Variants in TMEM266 observed in about 807,000 individuals in gnomAD.
TMEM266 encodes the protein Hv1 related protein 1.
A neutral mutation model predicts 50.5 loss-of-function variants in TMEM266; 33 were observed. The observed-to-expected ratio is 0.65, with a 90% CI of 0.50 to 0.87. The LOEUF (loss-of-function observed/expected upper bound fraction) is 0.87. Among genes scored for constraint, TMEM266 ranks in the 40% least tolerant of loss-of-function variants. The pLI is 0.00. For missense variants in TMEM266, 655 were observed against 695.1 expected, an observed-to-expected ratio of 0.94 and a Z score of 0.65; for synonymous variants, 310 against 292.3, an observed-to-expected ratio of 1.06 and a Z score of -0.62.
intron 9 of TMEM266, among the ~76,000 whole-genome samples, chr15:76,192,814 C>T (rs1353174150): frequency 6.6e-6 from 1 of 152,222 alleles, no homozygotes; most frequent in Non-Finnish European, 1.5e-5. Context: ...GTTTTGCCAG[C>T]TGTCAAGTAG....
intron 1 of TMEM266, among the ~76,000 whole-genome samples, chr15:76,133,479 A>G (rs779132734): frequency 6.6e-6 from 1 of 152,180 alleles, no homozygotes; most frequent in Non-Finnish European, 1.5e-5. Context: ...ATGAAATCCA[A>G]CACTTATATA....
At chr15:76,171,612 C>T (rs1227376270) in intron 7 of TMEM266, among the ~76,000 whole-genome samples, 1 of 152,222 alleles carries the variant, frequency 6.6e-6, no homozygotes, top group African/African-American at 2.4e-5. Flanking sequence ...ATCTGGCTGC[C>T]CACAAGCCCA....
At chr15:76,116,759 T>C (rs990181382) in intron 1 of TMEM266, among the ~76,000 whole-genome samples, 1 of 152,202 alleles carries the variant, frequency 6.6e-6, no homozygotes, top group African/African-American at 2.4e-5. Context: ...GTCAAACATA[T>C]GTCATCCTGT....
intron 1 of TMEM266, among the ~76,000 whole-genome samples, chr15:76,122,243 T>C (rs1308795904): frequency 6.6e-6 from 1 of 152,250 alleles, no homozygotes; most frequent in Non-Finnish European, 1.5e-5. Flanking sequence ...GGCCCAATCA[T>C]GTGAGAGCTT....
chr15:76,062,738 C>T (rs2036328108), intron 1 of TMEM266, among the ~76,000 whole-genome samples: 1 of 152,106 alleles, frequency 6.6e-6, no homozygotes, highest in South Asian at 2.1e-4. Context: ...AAGGCTTTAT[C>T]GTGCAAAGGC....
chr15:76,109,399 A>T (rs530029775), intron 1 of TMEM266, among the ~76,000 whole-genome samples: 1 of 152,356 alleles, frequency 6.6e-6, no homozygotes, highest in South Asian at 2.1e-4. Flanking sequence ...GGATTTATTG[A>T]ATAAATGCAT....
chr15:76,191,897 C>T (rs2038577884), intron 8 of TMEM266, 71 bp from the exon 9 acceptor site: 2 of 1,410,734 alleles, frequency 1.4e-6, no homozygotes, highest in South Asian at 2.9e-5. Flanking sequence ...GAGCAAAGCG[C>T]CCAGAGGTCA....
chr15:76,080,556 C>T (rs1377927547), intron 1 of TMEM266, among the ~76,000 whole-genome samples: 2 of 151,066 alleles, frequency 1.3e-5, no homozygotes, highest in Non-Finnish European at 3.0e-5. Context: ...GCCAAAGGCA[C>T]CATTTCAAAC....
At chr15:76,109,803 G>A (rs920249820) in intron 1 of TMEM266, among the ~76,000 whole-genome samples, 8 of 151,272 alleles carry the variant, frequency 5.3e-5, no homozygotes, top group African/African-American at 1.9e-4. Context: ...TCAACTGCTG[G>A]GCTGAAGCAG....
intron 9 of TMEM266, among the ~76,000 whole-genome samples, chr15:76,197,146 C>G (rs2038668618): frequency 6.6e-6 from 1 of 152,226 alleles, no homozygotes; most frequent in African/African-American, 2.4e-5. Context: ...GGCACCAGTG[C>G]TTGTCCTTGG....
chr15:76,174,581 A>G (rs2038242647), intron 7 of TMEM266, among the ~76,000 whole-genome samples: 1 of 152,186 alleles, frequency 6.6e-6, no homozygotes, highest in African/African-American at 2.4e-5. Flanking sequence ...GGTTTCTAGT[A>G]TATTCAGAGT....
intron 1 of TMEM266, among the ~76,000 whole-genome samples, chr15:76,080,490 C>T (rs947636491): frequency 2.0e-5 from 3 of 151,312 alleles, no homozygotes; most frequent in African/African-American, 7.3e-5. Flanking sequence ...ACCTTGTGAT[C>T]CGCCCGCCTT....
chr15:76,080,913 T>C (rs1214961504), intron 1 of TMEM266, among the ~76,000 whole-genome samples: 1 of 132,878 alleles, frequency 7.5e-6, no homozygotes, highest in Non-Finnish European at 1.6e-5. Context: ...GCCCAGCTAA[T>C]TTTTTTTTTT....
intron 1 of TMEM266, among the ~76,000 whole-genome samples, chr15:76,095,295 C>T (rs1195160026): frequency 1.3e-5 from 2 of 151,974 alleles, no homozygotes; most frequent in African/African-American, 4.8e-5. Context: ...TCCATCAATA[C>T]CTAGTTTATT....
chr15:76,192,230 G>A, intron 9 of TMEM266, 73 bp downstream of exon 9: 1 of 1,327,778 alleles, frequency 7.5e-7, no homozygotes, highest in Non-Finnish European at 9.8e-7. Context: ...TCGCGCCCCG[G>A]GACTGTGCGC....
intron 1 of TMEM266, among the ~76,000 whole-genome samples, chr15:76,127,551 C>G (rs1184878471): frequency 6.6e-6 from 1 of 152,136 alleles, no homozygotes; most frequent in African/African-American, 2.4e-5. Flanking sequence ...GCCTCTTACT[C>G]CTGATATCAA....
intron 1 of TMEM266, among the ~76,000 whole-genome samples, chr15:76,080,466 G>A (rs549241095): frequency 7.3e-5 from 11 of 150,896 alleles, no homozygotes; most frequent in Admixed American, 7.3e-4. Context: ...TGGTCAGGTG[G>A]TCTCGAACTC....
intron 1 of TMEM266, among the ~76,000 whole-genome samples, chr15:76,131,093 G>C (rs2037503842): frequency 6.6e-6 from 1 of 152,138 alleles, no homozygotes; most frequent in African/African-American, 2.4e-5. Context: ...ATACTAATTT[G>C]GGGCTAGGCA....
intron 3 of TMEM266, among the ~76,000 whole-genome samples, chr15:76,144,432 G>C (rs1295869370): frequency 1.3e-5 from 2 of 152,130 alleles, no homozygotes; most frequent in African/African-American, 2.4e-5. Context: ...TGCCCATGAA[G>C]CTACTGCTGC....
Sources: gnomAD v4.1 joint callset for allele counts (sites outside exome capture counted in the v4.1 genomes callset) on GRCh38, gnomAD v4.1.1 for gene constraint, MANE v1.5 for transcripts, NCBI Gene and HGNC (gene_info 2026-07-23, HGNC 2026-07-21) for gene names.